The following KRTAP5-6 variants were observed in gnomAD, a reference collection of about 807,000 sequenced individuals.
KRTAP5-6 encodes the protein keratin-associated protein 5-6.
For synonymous variants in KRTAP5-6, 57 were observed against 61.7 expected (o/e 0.92, Z 0.36); for missense variants, 175 against 157.6 (o/e 1.11, Z -0.59).
In KRTAP5-6 at chr11:1,697,518, C is replaced by T. The variant is rs149716341; in HGVS notation, c.273C>T (p.Cys91=). The T allele has an allele frequency of 1.2e-6, 2 of 1,613,874 alleles. No homozygotes were observed. Among genetic ancestry groups the T allele is most frequent in the African/African-American group, 2.7e-5 (2 of 74,846 alleles). The change falls in exon 1 of 1, where the codon TGC becomes TGT. Residue 91 remains cysteine (C), a synonymous_variant. Transcript: ENST00000382160. ...GTGGCTGCTCCCAGTGCAGTTGCTG[C>T]AAGCCCTGCTACTGTTCCTCAGGCT... ...GSCGCSQCSC[C]KPCYCSSGCG...
Position 1,697,682 on chromosome 11 carries a change from C to G in KRTAP5-6, c.*47C>G. The G allele has an allele frequency of 6.2e-7, 1 of 1,611,120 alleles. No individual in the cohort carries two copies. The highest frequency in any genetic ancestry group is 8.5e-7 in the Non-Finnish European group (1 of 1,178,110). ...GTGAGTCCAGCATATCCACACCACC[C>G]AAGAAGTGACCAGTGCTGCATTTCA... On this transcript the variant is annotated 3_prime_UTR_variant, in exon 1 of 1. Coordinates refer to ENST00000382160, the MANE Select transcript of KRTAP5-6 (RefSeq NM_001012416.1).
chr11:1,697,424 G>A lies in KRTAP5-6; in HGVS notation c.179G>A (p.Cys60Tyr), dbSNP rs778565312. 2.5e-6 allele frequency: 4 copies of A among 1,612,864 alleles called. No homozygotes were observed. The highest frequency in any genetic ancestry group is 2.5e-6 in the Non-Finnish European group (3 of 1,179,882). Residue 60 changes from cysteine (C) to tyrosine (Y), a missense_variant, in exon 1 of 1, where the codon TGT becomes TAT. Coordinates refer to ENST00000382160, the MANE Select transcript of KRTAP5-6 (RefSeq NM_001012416.1). ...TCTTGTGGGGGCTCCAAGGGGTGCT[G>A]TGGCTCTTGTGGGGGCTCCAAAGGG... ...CGSCGGSKGCCGSCGGSKGGC... is the reference protein window; with the variant it reads ...CGSCGGSKGCYGSCGGSKGGC...
chr11:1,697,571 G>C lies in KRTAP5-6; in HGVS notation c.326G>C (p.Cys109Ser). The change falls in exon 1 of 1, where the codon TGC becomes TCC. Residue 109 changes from cysteine (C) to serine (S), a missense_variant. Coordinates refer to ENST00000382160, the MANE Select transcript of KRTAP5-6 (RefSeq NM_001012416.1). ...GCGSSCCQSS[C>S]CKPCCSQASC... ...GGGTCATCCTGCTGCCAGTCCAGCT[G>C]CTGCAAGCCCTGCTGTTCCCAGGCC... 6.2e-7 allele frequency: 1 copy of C among 1,614,094 alleles called. No individual in the cohort carries two copies. The highest frequency in any genetic ancestry group is 1.1e-5 in the South Asian group (1 of 91,074).
Position 1,697,394 on chromosome 11 carries a change from G to A in KRTAP5-6, c.149G>A (p.Cys50Tyr), listed in dbSNP as rs1850700870. 1.9e-6 allele frequency: 3 copies of A among 1,612,780 alleles called. No individual in the cohort carries two copies. The highest frequency in any genetic ancestry group is 4.5e-5 in the East Asian group (2 of 44,844). ...CCVPACSCTS[C>Y]GSCGGSKGCC... ...GTGCCAGCCTGTTCCTGCACCAGCT[G>A]TGGCTCTTGTGGGGGCTCCAAGGGG... Residue 50 changes from cysteine (C) to tyrosine (Y), a missense_variant, in exon 1 of 1, where the codon TGT becomes TAT. Cys to Tyr is a radical substitution (Grantham distance 194). Coordinates refer to ENST00000382160, the MANE Select transcript of KRTAP5-6 (RefSeq NM_001012416.1).
Position 1,697,557 on chromosome 11 carries a change from C to A in KRTAP5-6, c.312C>A (p.Cys104Ter). ...CYCSSGCGSS[C>*]CQSSCCKPCC... Reference sequence around the variant, plus strand: ...GTTCCTCAGGCTGTGGGTCATCCTGCTGCCAGTCCAGCTGCTGCAAGCCCT... The same window carrying A: ...GTTCCTCAGGCTGTGGGTCATCCTGATGCCAGTCCAGCTGCTGCAAGCCCT... Residue 104 changes from cysteine to a stop codon, truncating the protein, a stop_gained, in exon 1 of 1, where the codon TGC becomes TGA. Transcript: ENST00000382160. LOFTEE classifies it high-confidence loss of function. 6.2e-7 allele frequency: 1 copy of A among 1,614,032 alleles called. No homozygotes were observed. Among genetic ancestry groups the A allele is most frequent in the Non-Finnish European group, 8.5e-7 (1 of 1,179,992 alleles).
At position 1,697,602 on chromosome 11, in the gene KRTAP5-6, C is replaced by T. The variant is rs745483857; in HGVS notation, c.357C>T (p.Cys119=). ...CCKPCCSQAS[C]CVPICCQCKI ...AGCCCTGCTGTTCCCAGGCCAGCTG[C>T]TGTGTCCCCATTTGCTGCCAGTGCA... Residue 119 remains cysteine, a synonymous_variant, in exon 1 of 1, where the codon TGC becomes TGT. Coordinates refer to ENST00000382160, the MANE Select transcript of KRTAP5-6 (RefSeq NM_001012416.1). 1.4e-5 allele frequency: 23 copies of T among 1,614,046 alleles called. No individual in the cohort carries two copies. Among genetic ancestry groups the T allele is most frequent in the African/African-American group, 8.0e-5 (6 of 74,916 alleles).
rs752167182 is a variant in KRTAP5-6 at position 1,697,388 on chromosome 11, C to T, written c.143C>T (p.Thr48Ile). ...VCCCVPACSC[T>I]SCGSCGGSKG... ...TGCTGTGTGCCAGCCTGTTCCTGCA[C>T]CAGCTGTGGCTCTTGTGGGGGCTCC... The change falls in exon 1 of 1, where the codon ACC becomes ATC. Residue 48 changes from threonine (T) to isoleucine (I), a missense_variant. Coordinates refer to ENST00000382160, the MANE Select transcript of KRTAP5-6 (RefSeq NM_001012416.1). 4 of 1,612,342 alleles carry T rather than the reference C, an allele frequency of 2.5e-6. No individual in the cohort carries two copies. In the South Asian group the frequency reaches 4.4e-5, roughly 18 times the overall value.
Position 1,697,273 on chromosome 11 carries a change from T to C in KRTAP5-6, c.28T>C (p.Cys10Arg), listed in dbSNP as rs765947932. The C allele has an allele frequency of 2.4e-5, 38 of 1,613,436 alleles. No homozygotes were observed. The highest frequency in any genetic ancestry group is 3.1e-5 in the Non-Finnish European group (37 of 1,179,990). The change falls in exon 1 of 1, where the codon TGT becomes CGT. Residue 10 changes from cysteine to arginine, a missense_variant. Transcript: ENST00000382160. ...GGGCTGCTGTGGCTGCTCTGGAGGC[T>C]GTGGCTCCGGCTGTGGGGGCTGTGG... The part of the protein sequence containing the change: MGCCGCSGG[C>R]GSGCGGCGSG...
In KRTAP5-6 at chr11:1,697,526, G is replaced by A; in HGVS notation, c.281G>A (p.Cys94Tyr). ...GCSQCSCCKPCYCSSGCGSSC... is the reference protein window; with the variant it reads ...GCSQCSCCKPYYCSSGCGSSC... Reference sequence around the variant, plus strand: ...TCCCAGTGCAGTTGCTGCAAGCCCTGCTACTGTTCCTCAGGCTGTGGGTCA... The same window carrying A: ...TCCCAGTGCAGTTGCTGCAAGCCCTACTACTGTTCCTCAGGCTGTGGGTCA... Residue 94 changes from cysteine to tyrosine, a missense_variant, in exon 1 of 1, where the codon TGC becomes TAC. Cys to Tyr is a radical substitution (Grantham distance 194, BLOSUM62 -2). Transcript: ENST00000382160. 1 of 1,614,048 alleles carries A rather than the reference G, an allele frequency of 6.2e-7. No homozygotes were observed. The highest frequency in any genetic ancestry group is 1.7e-5 in the Admixed American group (1 of 60,014).
chr11:1,697,486 G>A lies in KRTAP5-6; in HGVS notation c.241G>A (p.Gly81Ser), dbSNP rs934238605. 6.2e-7 allele frequency: 1 copy of A among 1,614,010 alleles called. No homozygotes were observed. The change falls in exon 1 of 1, where the codon GGC (glycine) becomes AGC (serine). Residue 81 changes from glycine to serine, a missense_variant. Gly to Ser is a moderately conservative substitution (Grantham distance 56). Coordinates refer to ENST00000382160, the MANE Select transcript of KRTAP5-6 (RefSeq NM_001012416.1). The part of the protein sequence containing the change: ...GSCGGSKGGC[G>S]SCGCSQCSCC... ...TTGTGGGGGCTCCAAGGGAGGCTGT[G>A]GCTCTTGTGGCTGCTCCCAGTGCAG...
In KRTAP5-6 at chr11:1,697,234, T is replaced by C. The variant is rs1850698374; in HGVS notation, c.-12T>C. ...GCTCCTCTACCTGCTCCACCCTCAATCCACCAGAACCATGGGCTGCTGTGG... is the reference window on the plus strand; with the variant it reads ...GCTCCTCTACCTGCTCCACCCTCAACCCACCAGAACCATGGGCTGCTGTGG... On this transcript the variant is annotated 5_prime_UTR_variant, in exon 1 of 1. Coordinates refer to ENST00000382160, the MANE Select transcript of KRTAP5-6 (RefSeq NM_001012416.1). 1 of 1,612,822 alleles carries C rather than the reference T, an allele frequency of 6.2e-7. No homozygotes were observed. The highest frequency in any genetic ancestry group is 1.3e-5 in the African/African-American group (1 of 74,836).
At position 1,697,576 on chromosome 11, in the gene KRTAP5-6, A is replaced by C; in HGVS notation, c.331A>C (p.Lys111Gln). ...GSSCCQSSCC[K>Q]PCCSQASCCV... The stretch of plus-strand genomic sequence containing the variant: ...ATCCTGCTGCCAGTCCAGCTGCTGC[A>C]AGCCCTGCTGTTCCCAGGCCAGCTG... Residue 111 changes from lysine to glutamine, a missense_variant, in exon 1 of 1, where the codon AAG becomes CAG. Coordinates refer to ENST00000382160, the MANE Select transcript of KRTAP5-6 (RefSeq NM_001012416.1). 1 of 1,613,956 alleles carries C rather than the reference A, an allele frequency of 6.2e-7. No individual in the cohort carries two copies. Among genetic ancestry groups the C allele is most frequent in the East Asian group, 2.2e-5 (1 of 44,872 alleles).
In KRTAP5-6 at chr11:1,697,387, A is replaced by G. The variant is rs916914899; in HGVS notation, c.142A>G (p.Thr48Ala). The G allele has an allele frequency of 1.2e-6, 2 of 1,609,904 alleles. No individual in the cohort carries two copies. Among genetic ancestry groups the G allele is most frequent in the Non-Finnish European group, 1.7e-6 (2 of 1,179,560 alleles). ...VCCCVPACSC[T>A]SCGSCGGSKG... ...CTGCTGTGTGCCAGCCTGTTCCTGC[A>G]CCAGCTGTGGCTCTTGTGGGGGCTC... Residue 48 changes from threonine to alanine, a missense_variant, in exon 1 of 1, where the codon ACC becomes GCC. Transcript: ENST00000382160.
chr11:1,697,754 CAGA>C (rs1212716003), exon 1 of KRTAP5-6: 99 of 1,432,834 alleles, frequency 6.9e-5, no homozygotes, highest in Admixed American at 6.0e-4. Context: ...CTGAATTTTG[CAGA>C]AGGTGATGAC....
In KRTAP5-6 at chr11:1,697,481, GC is replaced by G; in HGVS notation, c.237del (p.Cys80ValfsTer59). ...GGCTCTTGTGGGGGCTCCAAGGGAG[GC>G]TGTGGCTCTTGTGGCTGCTCCCAGT... The part of the protein sequence containing the change: ...GCGSCGGSKG[G>X]CGSCGCSQCS... On this transcript the variant is annotated frameshift_variant, in exon 1 of 1. Coordinates refer to ENST00000382160, the MANE Select transcript of KRTAP5-6 (RefSeq NM_001012416.1). LOFTEE classifies it low-confidence loss of function (END_TRUNC). 1 of 1,613,998 alleles carries G rather than the reference GC, an allele frequency of 6.2e-7. No homozygotes were observed. Among genetic ancestry groups the G allele is most frequent in the Non-Finnish European group, 8.5e-7 (1 of 1,180,034 alleles).
In KRTAP5-6 at chr11:1,697,515, C is replaced by T; in HGVS notation, c.270C>T (p.Cys90=). Residue 90 remains cysteine, a synonymous_variant, in exon 1 of 1, where the codon TGC becomes TGT. Transcript: ENST00000382160. The part of the protein sequence containing the change: ...CGSCGCSQCS[C]CKPCYCSSGC... ...CTTGTGGCTGCTCCCAGTGCAGTTG[C>T]TGCAAGCCCTGCTACTGTTCCTCAG... is the stretch of plus-strand genomic sequence containing the variant. 1 of 1,614,012 alleles carries T rather than the reference C, an allele frequency of 6.2e-7. No individual in the cohort carries two copies. The highest frequency in any genetic ancestry group is 1.1e-5 in the South Asian group (1 of 91,044).
chr11:1,697,531 T>C lies in KRTAP5-6; in HGVS notation c.286T>C (p.Cys96Arg). 1 of 1,614,086 alleles carries C rather than the reference T, an allele frequency of 6.2e-7. No homozygotes were observed. The highest frequency in any genetic ancestry group is 8.5e-7 in the Non-Finnish European group (1 of 1,179,994). Residue 96 changes from cysteine to arginine, a missense_variant, in exon 1 of 1, where the codon TGT (cysteine) becomes CGT (arginine). Transcript: ENST00000382160. Reference sequence around the variant, plus strand: ...GTGCAGTTGCTGCAAGCCCTGCTACTGTTCCTCAGGCTGTGGGTCATCCTG... The same window carrying C: ...GTGCAGTTGCTGCAAGCCCTGCTACCGTTCCTCAGGCTGTGGGTCATCCTG... ...SQCSCCKPCY[C>R]SSGCGSSCCQ...
Position 1,697,375 on chromosome 11 carries a change from G to T in KRTAP5-6, c.130G>T (p.Ala44Ser). The change falls in exon 1 of 1, where the codon GCC (alanine) becomes TCC (serine). Residue 44 changes from alanine to serine, a missense_variant. Transcript: ENST00000382160. ...CAAGCCCGTGTGCTGCTGTGTGCCA[G>T]CCTGTTCCTGCACCAGCTGTGGCTC... ...CCKPVCCCVP[A>S]CSCTSCGSCG... 6.2e-7 allele frequency: 1 copy of T among 1,612,622 alleles called. No individual in the cohort carries two copies. The highest frequency in any genetic ancestry group is 8.5e-7 in the Non-Finnish European group (1 of 1,179,866).
chr11:1,697,697 G>T lies in KRTAP5-6; in HGVS notation c.*62G>T. The T allele has an allele frequency of 6.2e-7, 1 of 1,600,428 alleles. No homozygotes were observed. The highest frequency in any genetic ancestry group is 8.5e-7 in the Non-Finnish European group (1 of 1,170,594). ...CCACACCACCCAAGAAGTGACCAGTGCTGCATTTCAGTTCTGGCTGTCCCA... is the reference window on the plus strand; with the variant it reads ...CCACACCACCCAAGAAGTGACCAGTTCTGCATTTCAGTTCTGGCTGTCCCA... On this transcript the variant is annotated 3_prime_UTR_variant, in exon 1 of 1. Transcript: ENST00000382160.
Sources: gnomAD v4.1 joint callset for allele counts on GRCh38, gnomAD v4.1.1 for gene constraint, MANE v1.5 for transcripts, NCBI Gene and HGNC (gene_info 2026-07-23, HGNC 2026-07-21) for gene names.